Variants in PHYHIP observed in about 807,000 individuals in gnomAD.
PHYHIP encodes phytanoyl-CoA 2-hydroxylase interacting protein.
Under a neutral mutation model 26.1 loss-of-function variants are expected in PHYHIP, and 7 were observed. The observed-to-expected ratio is 0.27, with a 90% CI of 0.15 to 0.50. The LOEUF (loss-of-function observed/expected upper bound fraction) is 0.50, where lower values mean the gene tolerates loss of function less well. Ranked by LOEUF, PHYHIP falls within the 20% of genes least tolerant of loss-of-function variation. PHYHIP has a pLI of 0.98. For missense variants in PHYHIP, 232 were observed against 454.7 expected, an observed-to-expected ratio of 0.51 and a Z score of 4.45; for synonymous variants, 206 against 183.4, an observed-to-expected ratio of 1.12 and a Z score of -1.00.
At chr8:22,227,410 G>T (rs564726801) in intron 2 of PHYHIP, among the ~76,000 whole-genome samples, 1 of 152,326 alleles carries the variant, frequency 6.6e-6, no homozygotes, top group Non-Finnish European at 1.5e-5. Flanking sequence ...CTTTGGGGGG[G>T]AGGGTTAAGG....
chr8:22,228,642 C>A, intron 1 of PHYHIP: 1 of 296,270 alleles, frequency 3.4e-6, no homozygotes, highest in Non-Finnish European at 6.3e-6. Context: ...GTGGCAGAGG[C>A]AGTGGGAATG....
intron 4 of PHYHIP, among the ~76,000 whole-genome samples, chr8:22,222,529 G>A (rs990075398): frequency 3.3e-5 from 5 of 152,150 alleles, no homozygotes; most frequent in African/African-American, 9.7e-5. Flanking sequence ...GCCTCCCAAA[G>A]TGCTAGGATT....
chr8:22,228,292 G>T lies in PHYHIP; in HGVS notation c.66C>A (p.Ile22=). Residue 22 remains isoleucine, a synonymous_variant, in exon 2 of 5, where the codon ATC becomes ATA. Coordinates refer to ENST00000454243, the MANE Select transcript of PHYHIP (RefSeq NM_014759.5). The stretch of plus-strand genomic sequence containing the variant: ...GGTCACTGTCCTCCATGGCCCAGGA[G>T]ATGCGGAAGGAGTCGCAGGTGATGT... The part of the protein sequence containing the change: ...INNITCDSFR[I]SWAMEDSDLE... 8 of 1,612,408 alleles carry T rather than the reference G, an allele frequency of 5.0e-6. No individual in the cohort carries two copies. The highest frequency in any genetic ancestry group is 6.8e-6 in the Non-Finnish European group (8 of 1,179,512).
Position 22,221,595 on chromosome 8 carries a change from G to A in PHYHIP, c.751C>T (p.Arg251Cys), listed in dbSNP as rs1214619050. The change falls in exon 5 of 5, where the codon CGC becomes TGC. Residue 251 changes from arginine to cysteine, a missense_variant. Coordinates refer to ENST00000454243, the MANE Select transcript of PHYHIP (RefSeq NM_014759.5). This position sits in a 1 kb window ranked among gnomAD's most constrained non-coding sequence, Gnocchi z 7.9. ...PKGSLGDRFC[R>C]DRLPLLDIAC... ...ATGTCCAGGAGGGGCAGGCGGTCGC[G>A]GCAGAAGCGGTCCCCCAGGGAGCCT... The A allele has an allele frequency of 6.2e-6, 10 of 1,613,804 alleles. No homozygotes were observed. Among genetic ancestry groups the A allele is most frequent in the African/African-American group, 2.7e-5 (2 of 74,932 alleles).
intron 1 of PHYHIP, 140 bp downstream of exon 1, chr8:22,231,656 C>CT (rs1377699371): frequency 3.0e-5 from 2 of 66,468 alleles, no homozygotes; most frequent in African/African-American, 1.1e-4. Context: ...AAAGGCCTGG[C>CT]CGGGGGGGGG....
Position 22,224,279 on chromosome 8 carries a change from G to C in PHYHIP, c.405C>G (p.Leu135=). 6.2e-7 allele frequency: 1 copy of C among 1,613,156 alleles called. No homozygotes were observed. Among genetic ancestry groups the C allele is most frequent in the Non-Finnish European group, 8.5e-7 (1 of 1,179,436 alleles). ...GGTTGCGGTAGAAGACGGAGAAGCG[G>C]AGCATGCGGCCTGCGATCTGCTCAG... ...EKAEQIAGRM[L]RFSVFYRNHH... Residue 135 remains leucine, a synonymous_variant, in exon 4 of 5, where the codon CTC becomes CTG. Transcript: ENST00000454243.
At chr8:22,224,820 G>C (rs897337580) in intron 3 of PHYHIP, among the ~76,000 whole-genome samples, 3 of 152,216 alleles carry the variant, frequency 2.0e-5, no homozygotes, top group Admixed American at 2.0e-4. Flanking sequence ...CGGCTCGTGA[G>C]GGTCTAGGGA....
At chr8:22,227,113 G>C (rs1318789973) in intron 2 of PHYHIP, 88 bp from the exon 3 acceptor site, 1 of 1,192,560 alleles carries the variant, frequency 8.4e-7, no homozygotes, top group East Asian at 2.5e-5. Flanking sequence ...CCACTCCCCA[G>C]ATGGCCCTGT....
chr8:22,227,271 C>G (rs1344987703), intron 2 of PHYHIP, among the ~76,000 whole-genome samples: 2 of 152,248 alleles, frequency 1.3e-5, no homozygotes, highest in Non-Finnish European at 2.9e-5. Flanking sequence ...AGGGGAAAAG[C>G]CACAAAGTTG....
At chr8:22,230,665 C>T (rs1025572237) in intron 1 of PHYHIP, among the ~76,000 whole-genome samples, 4 of 152,132 alleles carry the variant, frequency 2.6e-5, no homozygotes, top group Non-Finnish European at 4.4e-5. Context: ...TACACACATG[C>T]GCCAAGAGTG....
rs373710371 is a variant in PHYHIP at position 22,225,396 on chromosome 8, G to A, written c.341-1053C>T. On this transcript the variant is annotated intron_variant, in intron 3 of 4. Transcript: ENST00000454243. ...GGAGGCCAGGAAGCTGAGGAGGGAG[G>A]ATGGCTTGGGCTCGTGGGGAGGAGG... Among the ~76,000 whole-genome samples, 97 of 152,148 alleles carry A rather than the reference G, an allele frequency of 6.4e-4. No individual in the cohort carries two copies. The South Asian group carries it at 0.02, about 31-fold the overall frequency.
chr8:22,221,678 G>A lies in PHYHIP; in HGVS notation c.668C>T (p.Ala223Val). ...GGCCGTGTACATGCAGTAGAAGTCC[G>A]CAAAGTAGAGGTTGGTGCTGGGATT... ...LFNPSTNLYF[A>V]DFYCMYTAYH... Residue 223 changes from alanine to valine, a missense_variant, in exon 5 of 5, where the codon GCG becomes GTG. By Grantham distance (64) the Ala-to-Val change is moderately conservative. Transcript: ENST00000454243. This position sits in a 1 kb window ranked among gnomAD's most constrained non-coding sequence, Gnocchi z 7.9. 1 of 1,612,394 alleles carries A rather than the reference G, an allele frequency of 6.2e-7. No individual in the cohort carries two copies. Among genetic ancestry groups the A allele is most frequent in the Non-Finnish European group, 8.5e-7 (1 of 1,179,332 alleles).
At position 22,221,603 on chromosome 8, in the gene PHYHIP, C is replaced by A. The variant is rs748665305; in HGVS notation, c.743G>T (p.Arg248Leu). The change falls in exon 5 of 5, where the codon CGC becomes CTC. Residue 248 changes from arginine to leucine, a missense_variant. Coordinates refer to ENST00000454243, the MANE Select transcript of PHYHIP (RefSeq NM_014759.5). This position sits in a 1 kb window ranked among gnomAD's most constrained non-coding sequence, Gnocchi z 7.9. ...VLAPKGSLGDRFCRDRLPLLD... is the reference protein window; with the variant it reads ...VLAPKGSLGDLFCRDRLPLLD... ...GAGGGGCAGGCGGTCGCGGCAGAAGCGGTCCCCCAGGGAGCCTTTGGGCGC... is the reference window on the plus strand; with the variant it reads ...GAGGGGCAGGCGGTCGCGGCAGAAGAGGTCCCCCAGGGAGCCTTTGGGCGC... 2 of 1,613,724 alleles carry A rather than the reference C, an allele frequency of 1.2e-6. No individual in the cohort carries two copies. The highest frequency in any genetic ancestry group is 2.2e-5 in the East Asian group (1 of 44,896).
chr8:22,224,409 C>T, intron 3 of PHYHIP, 66 bp from the exon 4 acceptor site: 2 of 860,982 alleles, frequency 2.3e-6, no homozygotes, highest in Non-Finnish European at 2.0e-6. Flanking sequence ...CCTCCTGTCC[C>T]CACCCCACCC....
At chr8:22,222,790 G>A (rs1829657018) in intron 4 of PHYHIP, among the ~76,000 whole-genome samples, 1 of 152,202 alleles carries the variant, frequency 6.6e-6, no homozygotes, top group African/African-American at 2.4e-5. Context: ...CCAGGCTGGA[G>A]TGCAGTGGTG....
chr8:22,225,038 G>T (rs1025553603), intron 3 of PHYHIP, among the ~76,000 whole-genome samples: 2 of 152,208 alleles, frequency 1.3e-5, no homozygotes, highest in African/African-American at 4.8e-5. Context: ...TGGCCAGGGT[G>T]CTTGGTTTGG....
rs776655920 is a variant in PHYHIP, at chr8:22,221,658, T to A, written c.688A>T (p.Thr230Ser). The change falls in exon 5 of 5, where the codon ACG (threonine) becomes TCG (serine). Residue 230 changes from threonine (T) to serine (S), a missense_variant. Thr to Ser is a moderately conservative substitution (Grantham distance 58). Coordinates refer to ENST00000454243, the MANE Select transcript of PHYHIP (RefSeq NM_014759.5). This position sits in a 1 kb window ranked among gnomAD's most constrained non-coding sequence, Gnocchi z 7.9. ...LYFADFYCMY[T>S]AYHYAILVLA... ...ACCAGGATGGCGTAGTGGTAGGCCG[T>A]GTACATGCAGTAGAAGTCCGCAAAG... 1 of 1,612,996 alleles carries A rather than the reference T, an allele frequency of 6.2e-7. No homozygotes were observed. Among genetic ancestry groups the A allele is most frequent in the Admixed American group, 1.7e-5 (1 of 59,882 alleles).
chr8:22,223,336 T>A (rs949130016), intron 4 of PHYHIP, among the ~76,000 whole-genome samples: 25 of 129,304 alleles, frequency 1.9e-4, no homozygotes, highest in African/African-American at 7.0e-4. Context: ...CACTCCAGCC[T>A]GGGTGACAGA....
chr8:22,231,025 G>A (rs1180998364), intron 1 of PHYHIP, among the ~76,000 whole-genome samples: 2 of 152,142 alleles, frequency 1.3e-5, no homozygotes, highest in African/African-American at 2.4e-5. Flanking sequence ...ATTCTCTCTC[G>A]AATCATCTCC....
Sources: gnomAD v4.1 joint callset for allele counts (sites outside exome capture counted in the v4.1 genomes callset) on GRCh38, gnomAD v4.1.1 for gene constraint, Gnocchi (gnomAD v3.1) non-coding constraint, MANE v1.5 for transcripts, NCBI Gene and HGNC (gene_info 2026-07-23, HGNC 2026-07-21) for gene names.